Variants in RRP12 observed in about 807,000 individuals in gnomAD.
The protein encoded by RRP12 is ribosomal RNA processing 12 homolog, also known as RRP12-like protein.
Under a neutral mutation model 157.3 loss-of-function variants are expected in RRP12, and 78 were observed. That is an observed-to-expected ratio of 0.50 (90% CI 0.41 to 0.60). RRP12 has a LOEUF of 0.60. RRP12 is among the 20% of genes least tolerant of loss of function. RRP12 has a pLI of 0.00. For synonymous variants in RRP12, 726 were observed against 670.9 expected, an observed-to-expected ratio of 1.08 and a Z score of -1.27; for missense variants, 1,521 against 1,679.9, an observed-to-expected ratio of 0.91 and a Z score of 1.65.
intron 12 of RRP12, 22 bp downstream of exon 12, chr10:97,381,363 TA>T: frequency 6.4e-7 from 1 of 1,557,440 alleles, no homozygotes; most frequent in Non-Finnish European, 8.8e-7. Context: ...CATCCCTTCC[TA>T]ACATGGACCC....
intron 10 of RRP12, among the ~76,000 whole-genome samples, chr10:97,383,801 T>A (rs1322491216): frequency 6.6e-6 from 1 of 152,142 alleles, no homozygotes; most frequent in Non-Finnish European, 1.5e-5. Context: ...GCCAGGAAAC[T>A]GAGTGCACAG....
At chr10:97,399,428 T>C (rs1281278238) in intron 2 of RRP12, among the ~76,000 whole-genome samples, 1 of 152,198 alleles carries the variant, frequency 6.6e-6, no homozygotes, top group Non-Finnish European at 1.5e-5. Context: ...TAACAGGAGC[T>C]CTGTGAATGA....
rs780802758 is a variant in RRP12 at position 97,390,755 on chromosome 10, G to A, written c.620C>T (p.Thr207Ile). 5.0e-6 allele frequency: 8 copies of A among 1,612,404 alleles called. No homozygotes were observed. The highest frequency in any genetic ancestry group is 1.6e-4 in the Middle Eastern group (1 of 6,062). ...GACACTAACCCATCGGAGGACAGAG[G>A]TGGAGCCGCTGCTGGCCTGAGCTGA... ...IMSAQASSGS[T>I]SVLRWVLSCL... Residue 207 changes from threonine to isoleucine, a missense_variant, in exon 5 of 34, where the codon ACC (threonine) becomes ATC (isoleucine). Physicochemically the swap from Thr to Ile is moderately conservative, Grantham distance 89. Transcript: ENST00000370992.
At position 97,401,241 on chromosome 10, in the gene RRP12, G is replaced by C. The variant is rs1164018833; in HGVS notation, c.-10C>G. 1 of 1,614,024 alleles carries C rather than the reference G, an allele frequency of 6.2e-7. No homozygotes were observed. Among genetic ancestry groups the C allele is most frequent in the East Asian group, 2.2e-5 (1 of 44,886 alleles). ...TTCCCGAGCGACCCATGTTGACTAAGCCGTGGCGAGGAATGAGCTTAAATG... is the reference window on the plus strand; with the variant it reads ...TTCCCGAGCGACCCATGTTGACTAACCCGTGGCGAGGAATGAGCTTAAATG... On this transcript the variant is annotated 5_prime_UTR_variant, in exon 1 of 34. Transcript: ENST00000370992.
At position 97,369,594 on chromosome 10, in the gene RRP12, A is replaced by AT. The variant is rs757247009; in HGVS notation, c.2798-13_2798-12insA. The AT allele has an allele frequency of 2.1e-5, 33 of 1,553,692 alleles. No individual in the cohort carries two copies. Among genetic ancestry groups the AT allele is most frequent in the Non-Finnish European group, 2.3e-5 (26 of 1,148,200 alleles). On this transcript the variant is annotated splice_polypyrimidine_tract_variant and intron_variant, in intron 24 of 33. Coordinates refer to ENST00000370992, the MANE Select transcript of RRP12 (RefSeq NM_015179.4). ...GGTCCCCATCAGACCTGTGGCAGTG[A>AT]GGGGGTCACTGTCTAAGACACCCAG...
Position 97,379,351 on chromosome 10 carries a change from C to T in RRP12, c.1740G>A (p.Thr580=), listed in dbSNP as rs768624455. ...AGTAGGTGGTGAAAAAACCAAGTCG[C>T]GTTTCCTGAACATGGTCTCGGATGA... is the stretch of plus-strand genomic sequence containing the variant. The part of the protein sequence containing the change: ...LPVIRDHVQE[T]RLGFFTTYFL... Residue 580 remains threonine (T), a synonymous_variant, in exon 15 of 34, where the codon ACG becomes ACA. Coordinates refer to ENST00000370992, the MANE Select transcript of RRP12 (RefSeq NM_015179.4). The T allele has an allele frequency of 6.8e-5, 110 of 1,613,964 alleles. No individual in the cohort carries two copies. Among genetic ancestry groups the T allele is most frequent in the Non-Finnish European group, 8.0e-5 (94 of 1,179,958 alleles).
At chr10:97,377,455 G>C (rs989349640) in intron 15 of RRP12, among the ~76,000 whole-genome samples, 2 of 152,182 alleles carry the variant, frequency 1.3e-5, no homozygotes, top group African/African-American at 4.8e-5. Flanking sequence ...CTTGAATCTG[G>C]GAGGCAGAGG....
chr10:97,384,871 C>T (rs544375946), intron 10 of RRP12, among the ~76,000 whole-genome samples: 6 of 148,492 alleles, frequency 4.0e-5, no homozygotes, highest in Admixed American at 6.7e-5. Flanking sequence ...TCAGCCGGGA[C>T]GGAGGCCCTG....
rs1416472331 is a variant in RRP12 at position 97,370,261 on chromosome 10, G to C, written c.2703C>G (p.Cys901Trp). 6.3e-7 allele frequency: 1 copy of C among 1,595,098 alleles called. No individual in the cohort carries two copies. Among genetic ancestry groups the C allele is most frequent in the Admixed American group, 1.8e-5 (1 of 56,018 alleles). Residue 901 changes from cysteine (C) to tryptophan (W), a missense_variant, in exon 24 of 34, where the codon TGC becomes TGG. Cys to Trp is a radical substitution (Grantham distance 215). Transcript: ENST00000370992. ...GGCCAGGGTAGATCAGGACGAGGTA[G>C]CACTGCAGGGCCTCTGGGGACAGAG... ...FGSNQEEALQ[C>W]YLVLIYPGLV...
chr10:97,399,177 G>A (rs920375572), intron 2 of RRP12, among the ~76,000 whole-genome samples: 4 of 152,174 alleles, frequency 2.6e-5, no homozygotes, highest in Non-Finnish European at 5.9e-5. Context: ...GGAGGCTGAG[G>A]CAGGAGAATC....
At chr10:97,375,532 G>A (rs1844281145) in intron 15 of RRP12, among the ~76,000 whole-genome samples, 1 of 152,056 alleles carries the variant, frequency 6.6e-6, no homozygotes, top group Non-Finnish European at 1.5e-5. Context: ...AAATCAGTAC[G>A]CACTTGTCTA....
intron 3 of RRP12, among the ~76,000 whole-genome samples, chr10:97,395,510 C>T (rs1024417026): frequency 1.3e-5 from 2 of 150,308 alleles, no homozygotes; most frequent in Admixed American, 1.3e-4. Context: ...TGGGATCGTG[C>T]CACTGCAGTC....
In RRP12 at chr10:97,367,086, C is replaced by A; in HGVS notation, c.3002G>T (p.Arg1001Leu). 2 of 1,614,168 alleles carry A rather than the reference C, an allele frequency of 1.2e-6. No individual in the cohort carries two copies. Among genetic ancestry groups the A allele is most frequent in the East Asian group, 2.2e-5 (1 of 44,884 alleles). ...GGTGAACAGGTTCCGAAGCTTCATG[C>A]GGAAGTGCCGCCGCATGTCATCTGA... ...KLSDDMRRHF[R>L]MKLRNLFTKF... Residue 1001 changes from arginine to leucine, a missense_variant, in exon 26 of 34, where the codon CGC (arginine) becomes CTC (leucine). By Grantham distance (102) the Arg-to-Leu change is moderately radical. Coordinates refer to ENST00000370992, the MANE Select transcript of RRP12 (RefSeq NM_015179.4).
At position 97,366,825 on chromosome 10, in the gene RRP12, C is replaced by A; in HGVS notation, c.3132G>T (p.Arg1044Ser). ...NIRKAEARAK[R>S]HRALSQAAVE... ...CGGCAGCCTGGCTCAGGGCTCGGTGCCTCTTGGCCCGGGCCTCAGCTTTCC... is the reference window on the plus strand; with the variant it reads ...CGGCAGCCTGGCTCAGGGCTCGGTGACTCTTGGCCCGGGCCTCAGCTTTCC... The change falls in exon 27 of 34, where the codon AGG becomes AGT. Residue 1044 changes from arginine (R) to serine (S), a missense_variant. By Grantham distance (110) the Arg-to-Ser change is moderately radical (BLOSUM62 -1). Transcript: ENST00000370992. 1 of 1,614,202 alleles carries A rather than the reference C, an allele frequency of 6.2e-7. No homozygotes were observed. The highest frequency in any genetic ancestry group is 8.5e-7 in the Non-Finnish European group (1 of 1,180,038).
intron 18 of RRP12, 103 bp downstream of exon 18, chr10:97,372,943 C>T (rs1164510440): frequency 1.5e-5 from 22 of 1,462,368 alleles, no homozygotes; most frequent in Non-Finnish European, 2.1e-5. Flanking sequence ...TGCTCCAAAA[C>T]ACAGAGACCC....
chr10:97,397,551 A>G (rs1452312958), intron 2 of RRP12, among the ~76,000 whole-genome samples: 1 of 152,190 alleles, frequency 6.6e-6, no homozygotes, highest in Non-Finnish European at 1.5e-5. Flanking sequence ...TGACTGTATC[A>G]TTATATAATA....
At chr10:97,381,144 C>A (rs982491465) in intron 12 of RRP12, among the ~76,000 whole-genome samples, 3 of 152,210 alleles carry the variant, frequency 2.0e-5, no homozygotes, top group Non-Finnish European at 4.4e-5. Context: ...AGGTAGTTAT[C>A]TGACCCAACT....
rs756614530 is a variant in RRP12 at position 97,379,312 on chromosome 10, A to G, written c.1779T>C (p.Ala593=). 6 of 1,614,078 alleles carry G rather than the reference A, an allele frequency of 3.7e-6. No individual in the cohort carries two copies. The Admixed American group carries it at 1.0e-4, about 27-fold the overall frequency. The change falls in exon 15 of 34, where the codon GCT becomes GCC. Residue 593 remains alanine, a synonymous_variant. Coordinates refer to ENST00000370992, the MANE Select transcript of RRP12 (RefSeq NM_015179.4). Reference sequence around the variant, plus strand: ...TCCTACCTTTGCTCTTCAGGGTGTTAGCCAGGGGCAAGAAGTAGGTGGTGA... The same window carrying G: ...TCCTACCTTTGCTCTTCAGGGTGTTGGCCAGGGGCAAGAAGTAGGTGGTGA... ...GFFTTYFLPL[A]NTLKSKAMDL...
intron 26 of RRP12, 43 bp downstream of exon 26, chr10:97,366,998 G>GC (rs776907370): frequency 1.2e-6 from 2 of 1,610,660 alleles, no homozygotes; most frequent in Non-Finnish European, 1.7e-6. Flanking sequence ...GAAATCCTCG[G>GC]CCCCTCGCTT....
Sources: allele counts gnomAD v4.1 joint callset (sites outside exome capture counted in the v4.1 genomes callset), GRCh38; gene constraint gnomAD v4.1.1; transcripts MANE v1.5; gene names NCBI Gene and HGNC (gene_info 2026-07-23, HGNC 2026-07-21).